GRK3: variants seen among roughly 807,000 people sequenced by gnomAD.
GRK3 encodes adrenergic, beta, receptor kinase 2.
Under a neutral mutation model 95.7 loss-of-function variants are expected in GRK3, and 54 were observed. The observed-to-expected ratio is 0.56, with a 90% confidence interval of 0.45 to 0.71. The LOEUF (loss-of-function observed/expected upper bound fraction) is 0.71, where lower values mean the gene tolerates loss of function less well. Ranked by LOEUF, GRK3 falls within the 30% of genes least tolerant of loss-of-function variation. GRK3 has a pLI of 0.00. For missense variants in GRK3, 649 were observed against 851.2 expected, an observed-to-expected ratio of 0.76 and a Z score of 2.96; for synonymous variants, 281 against 290.8, an observed-to-expected ratio of 0.97 and a Z score of 0.34.
intron 17 of GRK3, 28 bp from the exon 18 acceptor site, chr22:25,714,380 A>T: frequency 1.9e-6 from 3 of 1,588,148 alleles, no homozygotes; most frequent in Non-Finnish European, 2.6e-6. Context: ...GTTAAATCAT[A>T]AATATCTTGA....
intron 13 of GRK3, among the ~76,000 whole-genome samples, chr22:25,702,089 CT>C (rs773913546): frequency 0.01 from 1,462 of 142,950 alleles, 27 homozygotes; most frequent in African/African-American, 0.033. Context: ...TTGTTTTGAT[CT>C]TTTTTTTTTT....
chr22:25,697,316 G>A (rs926542899), intron 13 of GRK3, among the ~76,000 whole-genome samples: 39 of 152,222 alleles, frequency 2.6e-4, no homozygotes, highest in Admixed American at 2.0e-4. Context: ...CTCCAACAGT[G>A]TGGTTTGTGG....
intron 3 of GRK3, chr22:25,647,489 C>T (rs966978241): frequency 2.9e-6 from 4 of 1,387,382 alleles, no homozygotes; most frequent in Non-Finnish European, 2.0e-6. Context: ...TGGGCATCTT[C>T]CTCATTCTCA....
chr22:25,707,645 A>G (rs144413276), intron 15 of GRK3, among the ~76,000 whole-genome samples: 185 of 152,328 alleles, frequency 1.2e-3, no homozygotes, highest in African/African-American at 4.3e-3. Flanking sequence ...GAGGACTTCC[A>G]GGTAGAATCA....
chr22:25,653,877 C>T (rs1014941396), intron 3 of GRK3, among the ~76,000 whole-genome samples: 22 of 152,076 alleles, frequency 1.4e-4, no homozygotes, highest in Admixed American at 1.3e-3. Context: ...TTAGTAGAGA[C>T]GGGGTTTCAC....
chr22:25,595,885 C>T (rs527479784), intron 1 of GRK3, among the ~76,000 whole-genome samples: 13 of 152,114 alleles, frequency 8.5e-5, no homozygotes, highest in Admixed American at 3.3e-4. Flanking sequence ...AGTTTGAGGC[C>T]GCAGTGAGCT....
At chr22:25,681,035 G>C (rs2085070030) in intron 9 of GRK3, among the ~76,000 whole-genome samples, 1 of 150,646 alleles carries the variant, frequency 6.6e-6, no homozygotes, top group South Asian at 2.1e-4. Context: ...GTTTTCTTCT[G>C]TAATTCTCAG....
intron 2 of GRK3, among the ~76,000 whole-genome samples, chr22:25,637,259 C>A (rs567392210): frequency 3.9e-5 from 6 of 152,268 alleles, no homozygotes; most frequent in Admixed American, 3.9e-4. Context: ...GGTCTTTAAG[C>A]TTGTACTGAG....
At chr22:25,687,780 G>A in intron 11 of GRK3, 113 bp downstream of exon 11, 3 of 1,215,550 alleles carry the variant, frequency 2.5e-6, no homozygotes, top group Admixed American at 2.2e-5. Context: ...CCTCATCTCA[G>A]CCCTGATGAA....
chr22:25,637,228 C>T lies in GRK3; in HGVS notation c.191-7364C>T, dbSNP rs191158009. On this transcript the variant is annotated intron_variant, in intron 2 of 20. Coordinates refer to ENST00000324198, the MANE Select transcript of GRK3 (RefSeq NM_005160.4). Reference sequence around the variant, plus strand: ...TTTGGCCTTGGCTTGGGAGTTACACCATTGGTTCTCCTGGTTGTCAGGTCT... The same window carrying T: ...TTTGGCCTTGGCTTGGGAGTTACACTATTGGTTCTCCTGGTTGTCAGGTCT... Among the ~76,000 whole-genome samples, 4 of 152,302 alleles carry T rather than the reference C, an allele frequency of 2.6e-5. No individual in the cohort carries two copies. In the East Asian group the frequency reaches 7.7e-4, roughly 29 times the overall value.
intron 1 of GRK3, among the ~76,000 whole-genome samples, chr22:25,591,177 A>G (rs774796789): frequency 1.5e-4 from 23 of 152,138 alleles, no homozygotes; most frequent in Admixed American, 6.5e-4. Flanking sequence ...TCACTAGAAC[A>G]ACTCACAGAA....
chr22:25,709,544 G>A (rs564546724), intron 15 of GRK3, among the ~76,000 whole-genome samples: 117 of 152,026 alleles, frequency 7.7e-4, no homozygotes, highest in South Asian at 2.1e-3. Context: ...TTAATGTGTA[G>A]ATATCCAATT....
chr22:25,640,605 A>G (rs2084735949), intron 2 of GRK3, among the ~76,000 whole-genome samples: 1 of 152,164 alleles, frequency 6.6e-6, no homozygotes, highest in Non-Finnish European at 1.5e-5. Flanking sequence ...GAAAATTTTC[A>G]TATTTCTCTT....
chr22:25,587,880 C>T (rs1454973030), intron 1 of GRK3, among the ~76,000 whole-genome samples: 2 of 152,220 alleles, frequency 1.3e-5, no homozygotes, highest in Non-Finnish European at 2.9e-5. Flanking sequence ...GATTGTGAGG[C>T]CTCCCCAGCC....
chr22:25,649,443 A>G (rs1395859697), intron 3 of GRK3, among the ~76,000 whole-genome samples: 4 of 152,200 alleles, frequency 2.6e-5, no homozygotes, highest in Non-Finnish European at 4.4e-5. Context: ...AACCGATTTC[A>G]GGGTCCAAAG....
At chr22:25,702,101 T>TC (rs201729262) in intron 13 of GRK3, among the ~76,000 whole-genome samples, 5 of 152,062 alleles carry the variant, frequency 3.3e-5, no homozygotes, top group South Asian at 2.1e-4. Flanking sequence ...TTTTTTTTTT[T>TC]CCCAAATTAA....
chr22:25,615,040 CCT>C (rs1390974262), intron 2 of GRK3, among the ~76,000 whole-genome samples: 1 of 152,080 alleles, frequency 6.6e-6, no homozygotes, highest in Non-Finnish European at 1.5e-5. Flanking sequence ...CCAAGCAGCC[CCT>C]GAGATTCCCA....
intron 8 of GRK3, among the ~76,000 whole-genome samples, chr22:25,676,279 G>C (rs1231594959): frequency 6.6e-6 from 1 of 152,152 alleles, no homozygotes; most frequent in Non-Finnish European, 1.5e-5. Context: ...CTTGCACAGT[G>C]CACTTTTTCA....
At chr22:25,689,039 T>G (rs1206947038) in intron 11 of GRK3, among the ~76,000 whole-genome samples, 1 of 152,210 alleles carries the variant, frequency 6.6e-6, no homozygotes, top group Non-Finnish European at 1.5e-5. Context: ...AAGATTACTT[T>G]CTAAGATATT....
Sources: allele counts gnomAD v4.1 joint callset (sites outside exome capture counted in the v4.1 genomes callset), GRCh38; gene constraint gnomAD v4.1.1; transcripts MANE v1.5; gene names NCBI Gene and HGNC (gene_info 2026-07-23, HGNC 2026-07-21).